The following ZCCHC2 variants were observed in gnomAD, a reference collection of about 807,000 sequenced individuals.
ZCCHC2 encodes zinc finger CCHC-type containing 2, also known as zinc finger CCHC domain-containing protein 2.
ZCCHC2 carries 39 observed loss-of-function variants against 103.6 expected under a neutral mutation model. The ratio of observed to expected loss-of-function variants is 0.38; its 90% CI spans 0.29 to 0.49. The LOEUF is 0.49. Among genes scored for constraint, ZCCHC2 ranks in the 20% least tolerant of loss-of-function variants. The pLI is 0.96. For missense variants in ZCCHC2, 1,483 were observed against 1,491.0 expected (o/e 0.99, Z 0.09); for synonymous variants, 687 against 608.9 (o/e 1.13, Z -1.89).
In ZCCHC2 at chr18:62,550,402, A is replaced by T; in HGVS notation, c.1255A>T (p.Asn419Tyr). The part of the protein sequence containing the change: ...TFDKTILRAL[N>Y]QGSLKREERR... ...TGACAAGACCATCTTAAGAGCCCTG[A>T]ATCAGGGTTCCTTGAAAAGGGAGGA... Residue 419 changes from asparagine to tyrosine, a missense_variant, in exon 5 of 14, where the codon AAT (asparagine) becomes TAT (tyrosine). Asn to Tyr is a moderately radical substitution (Grantham distance 143). Transcript: ENST00000269499. 1 of 1,613,854 alleles carries T rather than the reference A, an allele frequency of 6.2e-7. No individual in the cohort carries two copies. Among genetic ancestry groups the T allele is most frequent in the Non-Finnish European group, 8.5e-7 (1 of 1,179,842 alleles).
chr18:62,557,702 T>C (rs968369753), intron 6 of ZCCHC2, among the ~76,000 whole-genome samples: 1 of 152,244 alleles, frequency 6.6e-6, no homozygotes, highest in African/African-American at 2.4e-5. Context: ...AGCATCAGTT[T>C]AGTTTCAAAA....
chr18:62,543,138 C>T (rs746495501), intron 3 of ZCCHC2, among the ~76,000 whole-genome samples: 2 of 152,106 alleles, frequency 1.3e-5, no homozygotes, highest in Non-Finnish European at 2.9e-5. Flanking sequence ...TTGAGCTACG[C>T]CTTTTCTCCT....
rs2145479534 is a variant in ZCCHC2 at position 62,524,517 on chromosome 18, T to C, written c.939+154T>C. 2.4e-6 allele frequency: 3 copies of C among 1,241,298 alleles called. No individual in the cohort carries two copies. The South Asian group carries it at 5.1e-5, about 21-fold the overall frequency. 76.9% of individuals were successfully genotyped at this position (1,241,298 alleles called of 1,614,324 possible). A position where few individuals can be genotyped will look rare whatever the true frequency, so the allele number is the denominator to read the frequency against. ...AGCTCCCAGCGCCAGAGGGCTGAGC[T>C]TCGTCTCGCTGGGCCGCTCCGTTCC... is the stretch of plus-strand genomic sequence containing the variant. On this transcript the variant is annotated intron_variant, in intron 1 of 13. Transcript: ENST00000269499.
In ZCCHC2 at chr18:62,577,751, T is replaced by TA. The variant is rs11320033; in HGVS notation, c.*1186dup. On this transcript the variant is annotated 3_prime_UTR_variant, in exon 14 of 14. Coordinates refer to ENST00000269499, the MANE Select transcript of ZCCHC2 (RefSeq NM_017742.6). Reference sequence around the variant, plus strand: ...TCACTAAGTTTAATGCTGCTGTTTTTAAAAAAAAAAAAAAGTTTTTTTAAA... The same window carrying TA: ...TCACTAAGTTTAATGCTGCTGTTTTTAAAAAAAAAAAAAAAGTTTTTTTAAA... 0.17 allele frequency: 25,055 copies of TA among 150,498 alleles called. 2,758 individuals carry two copies. Among genetic ancestry groups the TA allele is most frequent in the African/African-American group, 0.32 (12,970 of 40,808 alleles). The allele number at this position is 150,498 out of a possible 1,614,324, so 9.3% of individuals were successfully genotyped here.
intron 1 of ZCCHC2, chr18:62,539,376 TA>T: frequency 4.0e-6 from 1 of 250,182 alleles, no homozygotes; most frequent in Non-Finnish European, 7.8e-6. Context: ...AGGATTAGTG[TA>T]AAGGGCACCA....
rs1914215752 is a variant in ZCCHC2 at position 62,524,092 on chromosome 18, A to C, written c.668A>C (p.Glu223Ala). ...GGCGGCGCGGAGGACGAGCGCGGCG[A>C]GGACGGCGACGGCGAGCAGGACGCC... ...SRGGAEDERG[E>A]DGDGEQDAEK... Residue 223 changes from glutamate (E) to alanine (A), a missense_variant, in exon 1 of 14, where the codon GAG becomes GCG. Around this residue, in one of 3 missense-constraint regions of ZCCHC2, gnomAD observed 568 missense variants for 525.1 expected, o/e 1.08. Coordinates refer to ENST00000269499, the MANE Select transcript of ZCCHC2 (RefSeq NM_017742.6). The C allele has an allele frequency of 6.6e-7, 1 of 1,516,208 alleles. No individual in the cohort carries two copies. Among genetic ancestry groups the C allele is most frequent in the South Asian group, 1.2e-5 (1 of 81,716 alleles). The allele number at this position is 1,516,208 out of a possible 1,614,324, so 93.9% of individuals were successfully genotyped here. A position where few individuals can be genotyped will look rare whatever the true frequency, so the allele number is the denominator to read the frequency against.
intron 1 of ZCCHC2, among the ~76,000 whole-genome samples, chr18:62,531,172 T>G (rs1309465954): frequency 2.0e-5 from 3 of 152,228 alleles, no homozygotes; most frequent in Admixed American, 6.5e-5. Flanking sequence ...AGTACTTCTT[T>G]TACTTACAAA....
chr18:62,563,618 C>T (rs1464933686), intron 9 of ZCCHC2, among the ~76,000 whole-genome samples: 3 of 152,160 alleles, frequency 2.0e-5, no homozygotes, highest in Non-Finnish European at 4.4e-5. Flanking sequence ...GATCACACCA[C>T]TGTACTTCTG....
intron 11 of ZCCHC2, among the ~76,000 whole-genome samples, chr18:62,565,984 C>T (rs1916346716): frequency 6.6e-6 from 1 of 152,152 alleles, no homozygotes; most frequent in South Asian, 2.1e-4. Flanking sequence ...GTGACTCACA[C>T]CTGTAATCCC....
In ZCCHC2 at chr18:62,574,818, C is replaced by A. The variant is rs1287068598; in HGVS notation, c.2737C>A (p.Pro913Thr). 6.2e-7 allele frequency: 1 copy of A among 1,614,010 alleles called. No individual in the cohort carries two copies. Among genetic ancestry groups the A allele is most frequent in the Admixed American group, 1.7e-5 (1 of 60,034 alleles). ...AGCTGGCCTCTCAGCTGCTCAGCCA[C>A]CAGCTTCCTACCCCTTACCAGGCTC... is the stretch of plus-strand genomic sequence containing the variant. The part of the protein sequence containing the change: ...PAAGLSAAQP[P>T]ASYPLPGSPL... The change falls in exon 13 of 14, where the codon CCA becomes ACA. Residue 913 changes from proline to threonine, a missense_variant. By Grantham distance (38) the Pro-to-Thr change is conservative (BLOSUM62 -1). Transcript: ENST00000269499.
intron 2 of ZCCHC2, among the ~76,000 whole-genome samples, 178 bp downstream of exon 2, chr18:62,539,970 T>C (rs918970149): frequency 1.3e-5 from 2 of 152,166 alleles, no homozygotes; most frequent in South Asian, 4.1e-4. Context: ...GCTGGGTGTT[T>C]CCTGCGCCAC....
At position 62,523,316 on chromosome 18, in the gene ZCCHC2, C is replaced by T. The variant is rs1914133386; in HGVS notation, c.-109C>T. ...CCCGGCCCCGGCCCTCCCCCGGCGGCATGGAGGGGCCCCGCTCCTGACGGC... is the reference window on the plus strand; with the variant it reads ...CCCGGCCCCGGCCCTCCCCCGGCGGTATGGAGGGGCCCCGCTCCTGACGGC... On this transcript the variant is annotated 5_prime_UTR_variant, in exon 1 of 14. Coordinates refer to ENST00000269499, the MANE Select transcript of ZCCHC2 (RefSeq NM_017742.6). 7.3e-6 allele frequency: 7 copies of T among 962,226 alleles called. No individual in the cohort carries two copies. The highest frequency in any genetic ancestry group is 4.9e-6 in the Non-Finnish European group (4 of 810,560). 59.6% of individuals were successfully genotyped at this position (962,226 alleles called of 1,614,324 possible).
chr18:62,544,011 G>A (rs1199703898), intron 3 of ZCCHC2, among the ~76,000 whole-genome samples: 1 of 152,200 alleles, frequency 6.6e-6, no homozygotes, highest in African/African-American at 2.4e-5. Context: ...AAAATTTTAT[G>A]TATTTTTTAA....
intron 1 of ZCCHC2, among the ~76,000 whole-genome samples, chr18:62,529,980 A>G (rs1404744428): frequency 1.3e-5 from 2 of 152,192 alleles, no homozygotes; most frequent in African/African-American, 4.8e-5. Context: ...TGTTAGATAT[A>G]AGTAATCTGG....
At chr18:62,582,193 A>C (rs1239982628), downstream of ZCCHC2, among the ~76,000 whole-genome samples, 1 of 152,238 alleles carries the variant, frequency 6.6e-6, no homozygotes, top group African/African-American at 2.4e-5. Flanking sequence ...GTATTTGAGG[A>C]AATCCTCAGG....
chr18:62,544,320 A>G (rs1691046754), intron 3 of ZCCHC2, among the ~76,000 whole-genome samples: 1 of 152,228 alleles, frequency 6.6e-6, no homozygotes, highest in South Asian at 2.1e-4. Flanking sequence ...ATTGAGATAA[A>G]GATGAAATCT....
intron 1 of ZCCHC2, among the ~76,000 whole-genome samples, chr18:62,533,973 T>TATA (rs1598931624): frequency 6.6e-6 from 1 of 152,134 alleles, no homozygotes; most frequent in Admixed American, 6.5e-5. Flanking sequence ...TTTGCAGTTA[T>TATA]ATAGGATAGG....
chr18:62,534,339 T>G (rs1304037640), intron 1 of ZCCHC2, among the ~76,000 whole-genome samples: 3 of 152,090 alleles, frequency 2.0e-5, no homozygotes, highest in Non-Finnish European at 2.9e-5. Flanking sequence ...TCTGATTATT[T>G]GTACTCCCTG....
At chr18:62,549,298 CAG>C (rs1401610802) in intron 4 of ZCCHC2, among the ~76,000 whole-genome samples, 4 of 152,136 alleles carry the variant, frequency 2.6e-5, no homozygotes, top group African/African-American at 7.2e-5. Flanking sequence ...AGAATGCCGA[CAG>C]AGTCTTCTAT....
Sources: gnomAD v4.1 joint callset for allele counts (sites outside exome capture counted in the v4.1 genomes callset) on GRCh38, gnomAD v4.1.1 for gene constraint, gnomAD v4.1.1 regional missense constraint, MANE v1.5 for transcripts, NCBI Gene and HGNC (gene_info 2026-07-23, HGNC 2026-07-21) for gene names.